Variants in CWC27 observed in about 807,000 individuals in gnomAD.
CWC27 encodes spliceosome-associated protein CWC27 homolog.
Under a neutral mutation model 63.6 loss-of-function variants are expected in CWC27, and 47 were observed. The ratio of observed to expected loss-of-function variants is 0.74; its 90% CI spans 0.58 to 0.94. The LOEUF (loss-of-function observed/expected upper bound fraction) is 0.94, where lower values mean the gene tolerates loss of function less well. CWC27 is among the 40% of genes least tolerant of loss of function. The pLI is 0.00. For synonymous variants in CWC27, 175 were observed against 179.8 expected, an observed-to-expected ratio of 0.97 and a Z score of 0.22; for missense variants, 495 against 554.3, an observed-to-expected ratio of 0.89 and a Z score of 1.07.
chr5:64,954,546 A>G (rs1748768506), intron 11 of CWC27, among the ~76,000 whole-genome samples: 1 of 151,900 alleles, frequency 6.6e-6, no homozygotes, highest in African/African-American at 2.4e-5. Context: ...TAGCCTCCCC[A>G]AATTCTGGGA....
intron 11 of CWC27, among the ~76,000 whole-genome samples, chr5:64,949,585 C>T (rs1406015944): frequency 6.6e-6 from 1 of 152,002 alleles, no homozygotes; most frequent in Non-Finnish European, 1.5e-5. Flanking sequence ...CATCTCATTT[C>T]CTGTAGCGTA....
chr5:64,901,027 T>C (rs2112363646), intron 11 of CWC27, among the ~76,000 whole-genome samples: 1 of 152,166 alleles, frequency 6.6e-6, no homozygotes, highest in South Asian at 2.1e-4. Context: ...TCAGCTATCA[T>C]TAGTGTTAGC....
At chr5:64,895,698 A>C (rs1403905792) in intron 11 of CWC27, among the ~76,000 whole-genome samples, 1 of 152,208 alleles carries the variant, frequency 6.6e-6, no homozygotes, top group Non-Finnish European at 1.5e-5. Context: ...AGTGTGTGTA[A>C]TATATTTCAA....
At chr5:65,001,353 T>C (rs1167228736) in intron 13 of CWC27, among the ~76,000 whole-genome samples, 1 of 152,142 alleles carries the variant, frequency 6.6e-6, no homozygotes, top group Admixed American at 6.5e-5. Context: ...TCCAGTACCA[T>C]GTTGAATAAG....
At chr5:64,985,884 C>A (rs1749416018) in intron 13 of CWC27, among the ~76,000 whole-genome samples, 1 of 152,132 alleles carries the variant, frequency 6.6e-6, no homozygotes, top group South Asian at 2.1e-4. Flanking sequence ...TCATAGATGT[C>A]TTTTACCAGT....
At chr5:64,825,793 A>G (rs1745341180) in intron 10 of CWC27, among the ~76,000 whole-genome samples, 1 of 152,166 alleles carries the variant, frequency 6.6e-6, no homozygotes, top group Non-Finnish European at 1.5e-5. Context: ...AAACTAATCT[A>G]GGTGTTGGTA....
intron 10 of CWC27, among the ~76,000 whole-genome samples, chr5:64,834,595 GAGCGATTTCCA>G (rs1474903620): frequency 6.6e-6 from 1 of 151,692 alleles, no homozygotes. Flanking sequence ...AAAGAAAGTG[GAGCGATTTCCA>G]AGCATTTATC....
rs1442245363 is a variant in CWC27 at position 65,004,907 on chromosome 5, C to CAT, written c.1257-13250_1257-13249dup. On this transcript the variant is annotated intron_variant, in intron 13 of 13. Coordinates refer to ENST00000381070, the MANE Select transcript of CWC27 (RefSeq NM_005869.4). ...ATATATATATATATATATATATATA[C>CAT]ATACACACACACACACACACACACA... 9.0e-3 allele frequency among the ~76,000 whole-genome samples: 511 copies of CAT among 56,894 alleles called. 1 individual carries two copies. The highest frequency in any genetic ancestry group is 0.029 in the Middle Eastern group (2 of 70). The allele number at this position is 56,894 out of a possible 152,430, so 37.3% of individuals were successfully genotyped here. A position where few individuals can be genotyped will look rare whatever the true frequency, so the allele number is the denominator to read the frequency against.
At chr5:64,784,061 A>G (rs775886219) in intron 4 of CWC27, 82 bp downstream of exon 4, 145 of 1,218,952 alleles carry the variant, frequency 1.2e-4, no homozygotes, top group Non-Finnish European at 1.6e-4. Context: ...CATATGATTA[A>G]CTTATCTAAG....
At chr5:64,821,053 A>G (rs1253092762) in intron 10 of CWC27, among the ~76,000 whole-genome samples, 1 of 151,606 alleles carries the variant, frequency 6.6e-6, no homozygotes, top group Non-Finnish European at 1.5e-5. Context: ...TATATAAAGA[A>G]CTCTTAAAAT....
intron 10 of CWC27, among the ~76,000 whole-genome samples, chr5:64,841,105 G>A (rs1251373097): frequency 6.6e-6 from 1 of 152,172 alleles, no homozygotes; most frequent in Non-Finnish European, 1.5e-5. Flanking sequence ...GTCATTATAA[G>A]CAACAGAAGT....
chr5:64,931,662 C>A (rs147557138), intron 11 of CWC27, among the ~76,000 whole-genome samples: 1 of 151,954 alleles, frequency 6.6e-6, no homozygotes, highest in Non-Finnish European at 1.5e-5. Flanking sequence ...AAACTACTCA[C>A]GACTCAGAAG....
In CWC27 at chr5:64,841,761, C is replaced by T. The variant is rs190051831; in HGVS notation, c.938+37375C>T. ...CACAATCGCGGCTCACTGCAACCTC[C>T]GCCTCCTGGATTCAGGCGATTCTCC... On this transcript the variant is annotated intron_variant, in intron 10 of 13. Coordinates refer to ENST00000381070, the MANE Select transcript of CWC27 (RefSeq NM_005869.4). Among the ~76,000 whole-genome samples the T allele has an allele frequency of 5.9e-5, 9 of 152,232 alleles. No individual in the cohort carries two copies. In the South Asian group the frequency reaches 6.2e-4, roughly 11 times the overall value.
At chr5:64,974,400 A>G (rs1017706857) in intron 12 of CWC27, among the ~76,000 whole-genome samples, 16 of 152,182 alleles carry the variant, frequency 1.1e-4, no homozygotes, top group Non-Finnish European at 2.1e-4. Flanking sequence ...AGAGGGTGAA[A>G]GGCAGTTCTT....
intron 11 of CWC27, among the ~76,000 whole-genome samples, chr5:64,898,858 G>A (rs955815216): frequency 6.6e-6 from 1 of 151,968 alleles, no homozygotes; most frequent in Non-Finnish European, 1.5e-5. Flanking sequence ...GATTCAACCC[G>A]ACCCACCTCC....
intron 4 of CWC27, among the ~76,000 whole-genome samples, chr5:64,785,277 A>G (rs1333730118): frequency 6.6e-6 from 1 of 152,166 alleles, no homozygotes; most frequent in Non-Finnish European, 1.5e-5. Context: ...GAAATTTCCA[A>G]AAAACTTATT....
intron 10 of CWC27, among the ~76,000 whole-genome samples, chr5:64,865,723 G>A (rs868830028): frequency 3.7e-4 from 56 of 151,988 alleles, no homozygotes; most frequent in Admixed American, 2.4e-3. Context: ...ATAAAGCTAC[G>A]CATTACTGGT....
intron 12 of CWC27, chr5:64,972,551 T>C (rs1306543792): frequency 1.1e-5 from 4 of 369,026 alleles, no homozygotes; most frequent in Non-Finnish European, 2.1e-5. Context: ...TATATATATA[T>C]ATATGGACAC....
At chr5:64,794,455 ACTAAG>A (rs1744187541) in intron 7 of CWC27, among the ~76,000 whole-genome samples, 1 of 152,114 alleles carries the variant, frequency 6.6e-6, no homozygotes, top group South Asian at 2.1e-4. Context: ...TAGTTGAATT[ACTAAG>A]AATAAGATCT....
Sources: allele counts gnomAD v4.1 joint callset (sites outside exome capture counted in the v4.1 genomes callset), GRCh38; gene constraint gnomAD v4.1.1; transcripts MANE v1.5; gene names NCBI Gene and HGNC (gene_info 2026-07-23, HGNC 2026-07-21).